XKR9: variants seen among roughly 807,000 people sequenced by gnomAD.
XKR9 encodes XK related 9, also known as XK-related protein 9.
A neutral mutation model predicts 32.0 loss-of-function variants in XKR9; 32 were observed. That is an observed-to-expected ratio of 1.00 (90% CI 0.76 to 1.34). The LOEUF is 1.34. Ranked by LOEUF, XKR9 falls within the 40% of genes most tolerant of loss-of-function variation. The probability of loss-of-function intolerance (pLI) is 0.00; values close to 1 mark genes in which losing one functional copy is unlikely to be tolerated. For missense variants in XKR9, 546 were observed against 429.7 expected (o/e 1.27, Z -2.39); for synonymous variants, 168 against 143.4 (o/e 1.17, Z -1.22).
chr8:70,816,823 C>G, the XKR9 span, among the ~76,000 whole-genome samples: 21 of 152,104 alleles, frequency 1.4e-4, no homozygotes, highest in African/African-American at 5.1e-4. Flanking sequence ...TCAACATGTG[C>G]AAATCAATAA....
the XKR9 span, among the ~76,000 whole-genome samples, chr8:70,978,148 T>TCCTGAATA: frequency 6.6e-6 from 1 of 152,184 alleles, no homozygotes; most frequent in Non-Finnish European, 1.5e-5. Context: ...GAGATGGGTC[T>TCCTGAATA]CCTGAATACG....
the XKR9 span, among the ~76,000 whole-genome samples, chr8:70,887,533 G>A: frequency 2.0e-5 from 3 of 152,100 alleles, no homozygotes; most frequent in Admixed American, 6.5e-5. Context: ...CCATTTTCAC[G>A]ATATTGATTC....
At chr8:70,755,871 T>A (rs981481779) in intron 2 of XKR9, among the ~76,000 whole-genome samples, 4 of 149,328 alleles carry the variant, frequency 2.7e-5, no homozygotes, top group Non-Finnish European at 6.0e-5. Flanking sequence ...GTAACTAATC[T>A]GCACATTGTG....
intron 2 of XKR9, among the ~76,000 whole-genome samples, chr8:70,778,052 G>A (rs1345767279): frequency 6.6e-6 from 1 of 152,158 alleles, no homozygotes; most frequent in Non-Finnish European, 1.5e-5. Context: ...GAGTGGTATT[G>A]CCTAGGTTTC....
At chr8:70,846,598 A>T in the XKR9 span, among the ~76,000 whole-genome samples, 2 of 152,052 alleles carry the variant, frequency 1.3e-5, no homozygotes, top group Non-Finnish European at 2.9e-5. Context: ...TGAATGAATT[A>T]AAAAAACCCA....
intron 4 of XKR9, among the ~76,000 whole-genome samples, chr8:70,728,195 C>T (rs1313744053): frequency 1.3e-5 from 2 of 152,124 alleles, no homozygotes; most frequent in Non-Finnish European, 2.9e-5. Context: ...TAGGTCAGGT[C>T]TCTTTCACTG....
At chr8:71,023,553 G>T in the XKR9 span, among the ~76,000 whole-genome samples, 1 of 152,182 alleles carries the variant, frequency 6.6e-6, no homozygotes, top group Non-Finnish European at 1.5e-5. Context: ...TTAGGCACTG[G>T]TGTTAGTGGG....
chr8:70,778,218 T>G (rs186862637), intron 2 of XKR9, among the ~76,000 whole-genome samples: 2 of 152,278 alleles, frequency 1.3e-5, no homozygotes, highest in East Asian at 1.9e-4. Flanking sequence ...TTTCCCCATT[T>G]CTTGTTTTTG....
downstream of XKR9, among the ~76,000 whole-genome samples, chr8:70,740,560 G>A (rs1209991242): frequency 7.2e-6 from 1 of 138,926 alleles, no homozygotes; most frequent in South Asian, 2.2e-4. Context: ...AGAGTTTCCA[G>A]TTTTTCTGCT....
chr8:70,906,920 A>G, the XKR9 span, among the ~76,000 whole-genome samples: 4 of 152,158 alleles, frequency 2.6e-5, no homozygotes, highest in African/African-American at 9.7e-5. Context: ...TTTTTGGCAC[A>G]CAGGTCTATG....
At chr8:70,750,979 A>C (rs1431973042) in intron 2 of XKR9, among the ~76,000 whole-genome samples, 4 of 152,178 alleles carry the variant, frequency 2.6e-5, no homozygotes, top group African/African-American at 9.7e-5. Context: ...TCATCTACTC[A>C]GTTGAACATG....
intron 4 of XKR9, among the ~76,000 whole-genome samples, chr8:70,713,496 G>C (rs879514201): frequency 6.6e-6 from 1 of 152,128 alleles, no homozygotes; most frequent in Non-Finnish European, 1.5e-5. Flanking sequence ...ATCCCCACCA[G>C]AGGAAATTCC....
At chr8:70,810,702 C>T in the XKR9 span, among the ~76,000 whole-genome samples, 2 of 152,158 alleles carry the variant, frequency 1.3e-5, no homozygotes, top group Non-Finnish European at 2.9e-5. Context: ...AAGGCCATTA[C>T]ATAATGGTAA....
At chr8:70,708,514 T>C (rs1214521976) in intron 4 of XKR9, among the ~76,000 whole-genome samples, 1 of 152,114 alleles carries the variant, frequency 6.6e-6, no homozygotes, top group East Asian at 1.9e-4. Context: ...ATGTAGCCAC[T>C]AGAGTGTTTA....
chr8:70,699,720 A>G (rs1020605097), intron 3 of XKR9, among the ~76,000 whole-genome samples: 2 of 152,034 alleles, frequency 1.3e-5, no homozygotes, highest in Non-Finnish European at 2.9e-5. Context: ...CTGTATGTGA[A>G]TGTTGGCCTG....
chr8:70,827,220 C>A, the XKR9 span, among the ~76,000 whole-genome samples: 1 of 152,098 alleles, frequency 6.6e-6, no homozygotes, highest in East Asian at 1.9e-4. Flanking sequence ...TGCACACATA[C>A]ACACACATAT....
chr8:71,042,859 G>A, the XKR9 span, among the ~76,000 whole-genome samples: 1 of 152,110 alleles, frequency 6.6e-6, no homozygotes, highest in South Asian at 2.1e-4. Flanking sequence ...GACCCTGGTG[G>A]TTATGCCGTT....
chr8:70,829,766 A>G, the XKR9 span, among the ~76,000 whole-genome samples: 1,281 of 152,278 alleles, frequency 8.4e-3, 18 homozygotes, highest in African/African-American at 0.029. Flanking sequence ...TTTTCTAAAA[A>G]TACTTTACCA....
chr8:70,937,133 C>T, the XKR9 span, among the ~76,000 whole-genome samples: 1 of 151,660 alleles, frequency 6.6e-6, no homozygotes, highest in African/African-American at 2.4e-5. Flanking sequence ...CCTGCATATG[C>T]GTATGTATGT....
Sources: gnomAD v4.1 joint callset for allele counts (sites outside exome capture counted in the v4.1 genomes callset) on GRCh38, gnomAD v4.1.1 for gene constraint, MANE v1.5 for transcripts, NCBI Gene and HGNC (gene_info 2026-07-23, HGNC 2026-07-21) for gene names.